PTPRT: variants seen among roughly 807,000 people sequenced by gnomAD.
The protein encoded by PTPRT is receptor-type tyrosine-protein phosphatase T.
Under a neutral mutation model 176.8 loss-of-function variants are expected in PTPRT, and 56 were observed. That is an observed-to-expected ratio of 0.32 (90% confidence interval 0.26 to 0.40). The LOEUF (loss-of-function observed/expected upper bound fraction) is 0.40, where lower values mean the gene tolerates loss of function less well. PTPRT is among the 10% of genes least tolerant of loss of function. PTPRT has a pLI of 1.00. For missense variants in PTPRT, 1,540 were observed against 1,908.2 expected (o/e 0.81, Z 3.60); for synonymous variants, 783 against 739.0 (o/e 1.06, Z -0.96).
intron 1 of PTPRT, among the ~76,000 whole-genome samples, chr20:43,107,300 T>G (rs1348154977): frequency 6.6e-6 from 1 of 152,114 alleles, no homozygotes; most frequent in Non-Finnish European, 1.5e-5. Flanking sequence ...GGACATTTCA[T>G]CTTCCCAACT....
In PTPRT at chr20:43,083,351, T is replaced by TATATATATATATATATATAC. The variant is rs2011511715; in HGVS notation, c.88+106275_88+106294dup. ...ATATATATATATATATATATATATA[T>TATATATATATATATATATAC]ATATATATATATATATATACATTTT... On this transcript the variant is annotated intron_variant, in intron 1 of 30. Coordinates refer to ENST00000373187, the MANE Select transcript of PTPRT (RefSeq NM_007050.6). Among the ~76,000 whole-genome samples, 36 of 114,286 alleles carry TATATATATATATATATATAC rather than the reference T, an allele frequency of 3.1e-4. 1 individual carries two copies. The highest frequency in any genetic ancestry group is 1.2e-3 in the African/African-American group (35 of 29,102). The allele number at this position is 114,286 out of a possible 152,430, so 75.0% of individuals were successfully genotyped here.
At chr20:42,213,455 A>G (rs1215923771) in intron 15 of PTPRT, among the ~76,000 whole-genome samples, 1 of 152,192 alleles carries the variant, frequency 6.6e-6, no homozygotes, top group Non-Finnish European at 1.5e-5. Flanking sequence ...TGCTTTTAAA[A>G]TGATTGTTAT....
At chr20:42,095,525 G>C (rs897924059) in intron 27 of PTPRT, among the ~76,000 whole-genome samples, 1 of 152,128 alleles carries the variant, frequency 6.6e-6, no homozygotes, top group African/African-American at 2.4e-5. Flanking sequence ...CTTCACGTCT[G>C]TGTTCAAATG....
chr20:43,083,347 T>TATATATATATATATATAC (rs2011507588), intron 1 of PTPRT, among the ~76,000 whole-genome samples: 1 of 97,784 alleles, frequency 1.0e-5, no homozygotes, highest in Non-Finnish European at 2.1e-5. Context: ...TATATATATA[T>TATATATATATATATATAC]ATATATATAT....
chr20:42,242,900 C>G (rs2056381087), intron 14 of PTPRT, among the ~76,000 whole-genome samples: 1 of 151,782 alleles, frequency 6.6e-6, no homozygotes, highest in African/African-American at 2.4e-5. Flanking sequence ...TTTTTTAACA[C>G]AATGCTGACT....
Position 43,189,382 on chromosome 20 carries a change from C to A in PTPRT, c.88+264G>T, listed in dbSNP as rs764615724. Reference sequence around the variant, plus strand: ...TTCGCAACAACCGCGGAAAGTTACTCCAGCCCGGGGGGCCGGCAGGAAACT... The same window carrying A: ...TTCGCAACAACCGCGGAAAGTTACTACAGCCCGGGGGGCCGGCAGGAAACT... On this transcript the variant is annotated intron_variant, in intron 1 of 30. Transcript: ENST00000373187. This position sits in a 1 kb window ranked among gnomAD's most constrained non-coding sequence, Gnocchi z 5.0. 6.6e-6 allele frequency among the ~76,000 whole-genome samples: 1 copy of A among 152,198 alleles called. No homozygotes were observed. The highest frequency in any genetic ancestry group is 1.5e-5 in the Non-Finnish European group (1 of 68,022).
intron 7 of PTPRT, among the ~76,000 whole-genome samples, chr20:42,481,777 AAC>A (rs11468323): frequency 0.12 from 16,778 of 144,222 alleles, 980 homozygotes; most frequent in Non-Finnish European, 0.14. Flanking sequence ...TACACACACA[AAC>A]ACACACACAC....
intron 1 of PTPRT, among the ~76,000 whole-genome samples, chr20:42,922,856 C>T (rs929674185): frequency 6.6e-6 from 1 of 152,018 alleles, no homozygotes; most frequent in Admixed American, 6.6e-5. Context: ...AAGCATAGAC[C>T]ACCCTTACCC....
intron 6 of PTPRT, among the ~76,000 whole-genome samples, chr20:42,704,037 AT>A (rs1024468886): frequency 1.1e-4 from 17 of 151,582 alleles, no homozygotes; most frequent in African/African-American, 2.2e-4. Context: ...ATGACTTCAT[AT>A]TTTTTTTTCT....
intron 1 of PTPRT, among the ~76,000 whole-genome samples, chr20:43,156,843 T>G (rs1007066070): frequency 6.6e-6 from 1 of 152,206 alleles, no homozygotes; most frequent in Admixed American, 6.5e-5. Context: ...CCTGCCTGGC[T>G]TGCAGTGAGA....
rs140829109 is a variant in PTPRT at position 42,575,479 on chromosome 20, C to T, written c.1153+102387G>A. ...TTCCTGGGTTTCCATCTCAGCAACA[C>T]GCACCAACCTCCACAATCTAGGTGG... is the stretch of plus-strand genomic sequence containing the variant. On this transcript the variant is annotated intron_variant, in intron 7 of 30. Transcript: ENST00000373187. Among the ~76,000 whole-genome samples, 918 of 152,302 alleles carry T rather than the reference C, an allele frequency of 6.0e-3. 9 individuals are homozygous for T. Among genetic ancestry groups the T allele is most frequent in the Middle Eastern group, 0.027 (8 of 294 alleles).
chr20:42,606,854 C>T (rs2073886421), intron 7 of PTPRT: 1 of 152,198 alleles, frequency 6.6e-6, no homozygotes, highest in African/African-American at 2.4e-5. Context: ...GGCCACTCAT[C>T]CTGAACTACA....
intron 9 of PTPRT, among the ~76,000 whole-genome samples, chr20:42,364,114 T>C (rs1313277814): frequency 6.6e-6 from 1 of 152,068 alleles, no homozygotes; most frequent in Admixed American, 6.6e-5. Context: ...TAGAATGCAT[T>C]TCCAAGCACC....
At chr20:42,120,377 C>G (rs1286299395) in intron 19 of PTPRT, among the ~76,000 whole-genome samples, 1 of 151,960 alleles carries the variant, frequency 6.6e-6, no homozygotes, top group East Asian at 1.9e-4. Context: ...TATGGGACAC[C>G]CAGAGAAGAA....
At chr20:42,867,683 C>CTTTTTTT (rs5841476) in intron 2 of PTPRT, among the ~76,000 whole-genome samples, 2 of 113,404 alleles carry the variant, frequency 1.8e-5, no homozygotes, top group African/African-American at 3.7e-5. Flanking sequence ...TACATATGGC[C>CTTTTTTT]TTTTTTTTTT....
intron 1 of PTPRT, among the ~76,000 whole-genome samples, chr20:43,007,657 C>A (rs1984918616): frequency 2.6e-5 from 4 of 152,184 alleles, no homozygotes; most frequent in Non-Finnish European, 1.5e-5. Flanking sequence ...CAAAGCTTTT[C>A]TACCGTAAGG....
intron 1 of PTPRT, among the ~76,000 whole-genome samples, chr20:42,898,041 C>A (rs1470522377): frequency 6.6e-6 from 1 of 152,094 alleles, no homozygotes. Flanking sequence ...CCATCATATC[C>A]CTTATAGATC....
At chr20:42,656,387 G>A (rs920687040) in intron 7 of PTPRT, among the ~76,000 whole-genome samples, 1 of 152,194 alleles carries the variant, frequency 6.6e-6, no homozygotes, top group African/African-American at 2.4e-5. Context: ...GCTCCAAATA[G>A]GGGGTTGAGA....
At chr20:42,320,977 C>A (rs543727563) in intron 11 of PTPRT, among the ~76,000 whole-genome samples, 35 of 152,228 alleles carry the variant, frequency 2.3e-4, no homozygotes, top group Non-Finnish European at 3.7e-4. Flanking sequence ...GGACACACAG[C>A]AGAAAAGGGG....
Sources: allele counts gnomAD v4.1 joint callset (sites outside exome capture counted in the v4.1 genomes callset), GRCh38; gene constraint gnomAD v4.1.1; non-coding constraint Gnocchi (gnomAD v3.1); transcripts MANE v1.5; gene names NCBI Gene and HGNC (gene_info 2026-07-23, HGNC 2026-07-21).